Variants in TMEM131 observed in about 807,000 individuals in gnomAD.
TMEM131 encodes the protein 2610524E03Rik.
Under a neutral mutation model 211.6 loss-of-function variants are expected in TMEM131, and 66 were observed. The ratio of observed to expected loss-of-function variants is 0.31; its 90% CI spans 0.26 to 0.38. TMEM131 has a LOEUF of 0.38. Ranked by LOEUF, TMEM131 falls within the 10% of genes least tolerant of loss-of-function variation. The pLI, the probability that TMEM131 is intolerant of heterozygous loss-of-function variation, is 1.00. For missense variants in TMEM131, 2,036 were observed against 2,299.3 expected, an observed-to-expected ratio of 0.89 and a Z score of 2.34; for synonymous variants, 844 against 841.3, an observed-to-expected ratio of 1.00 and a Z score of -0.06.
intron 1 of TMEM131, among the ~76,000 whole-genome samples, chr2:97,929,812 T>G (rs1277966891): frequency 6.6e-6 from 1 of 151,824 alleles, no homozygotes; most frequent in East Asian, 1.9e-4. Flanking sequence ...AGCACTGGCA[T>G]TTGTACTTAC....
chr2:97,866,996 G>T (rs542721283), intron 4 of TMEM131, among the ~76,000 whole-genome samples: 3 of 152,252 alleles, frequency 2.0e-5, no homozygotes, highest in African/African-American at 7.2e-5. Context: ...CATCATGTTG[G>T]CACACAAAAA....
chr2:97,917,888 GA>G (rs1295092690), intron 2 of TMEM131, among the ~76,000 whole-genome samples: 1 of 152,054 alleles, frequency 6.6e-6, no homozygotes, highest in Non-Finnish European at 1.5e-5. Context: ...GGCTTCCCTA[GA>G]GGAGGGTGGG....
chr2:97,949,866 C>G (rs1678221097), intron 1 of TMEM131, among the ~76,000 whole-genome samples: 1 of 148,270 alleles, frequency 6.7e-6, no homozygotes, highest in Non-Finnish European at 1.5e-5. Flanking sequence ...ACACCCCACA[C>G]AGGGCTTGCT....
chr2:97,831,731 G>A (rs1310353276), intron 11 of TMEM131, among the ~76,000 whole-genome samples: 2 of 137,618 alleles, frequency 1.5e-5, no homozygotes, highest in Non-Finnish European at 3.0e-5. Context: ...GCACAGCGGC[G>A]TGATCTTGGC....
intron 5 of TMEM131, among the ~76,000 whole-genome samples, chr2:97,845,496 A>G (rs1573450780): frequency 6.6e-6 from 1 of 152,318 alleles, no homozygotes; most frequent in East Asian, 1.9e-4. Flanking sequence ...GCCACGGGTG[A>G]AATGAGTAGT....
In TMEM131 at chr2:97,929,573, G is replaced by A. The variant is rs1021712155; in HGVS notation, c.188-2086C>T. Among the ~76,000 whole-genome samples the A allele has an allele frequency of 4.6e-5, 7 of 151,654 alleles. No individual in the cohort carries two copies. The South Asian group carries it at 8.3e-4, about 18-fold the overall frequency. The stretch of plus-strand genomic sequence containing the variant: ...CTAGTTAATTAGATTACATTACCTC[G>A]TTGGATGTTTTTTCTGCCTGCCAAG... On this transcript the variant is annotated intron_variant, in intron 1 of 40. Coordinates refer to ENST00000186436, the MANE Select transcript of TMEM131 (RefSeq NM_015348.2).
intron 4 of TMEM131, among the ~76,000 whole-genome samples, chr2:97,866,698 C>T (rs1340054306): frequency 6.6e-6 from 1 of 152,072 alleles, no homozygotes; most frequent in Non-Finnish European, 1.5e-5. Flanking sequence ...TGTTTTTGTT[C>T]ATCTCGAAGT....
At chr2:97,811,346 T>C in intron 17 of TMEM131, 114 bp from the exon 18 acceptor site, 1 of 744,488 alleles carries the variant, frequency 1.3e-6, no homozygotes, top group Admixed American at 1.8e-5. Context: ...CATATACCAG[T>C]ATGACACTGA....
At position 97,830,132 on chromosome 2, in the gene TMEM131, T is replaced by TAAAAAAA. The variant is rs60531384; in HGVS notation, c.1074+3226_1074+3232dup. Among the ~76,000 whole-genome samples, 159 of 72,256 alleles carry TAAAAAAA rather than the reference T, an allele frequency of 2.2e-3. 1 individual carries two copies. Among genetic ancestry groups the TAAAAAAA allele is most frequent in the African/African-American group, 6.1e-3 (107 of 17,586 alleles). The allele number at this position is 72,256 out of a possible 152,430, so 47.4% of individuals were successfully genotyped here. On this transcript the variant is annotated intron_variant, in intron 11 of 40. Coordinates refer to ENST00000186436, the MANE Select transcript of TMEM131 (RefSeq NM_015348.2). ...TCTGAATTCTTCACTCATTATCAGT[T>TAAAAAAA]AAAAAAAAAAAAAAAAAAAAAAAAC...
intron 1 of TMEM131, among the ~76,000 whole-genome samples, chr2:97,984,621 C>T (rs576505149): frequency 6.6e-6 from 1 of 151,794 alleles, no homozygotes; most frequent in East Asian, 1.9e-4. Flanking sequence ...CAGGTGAACT[C>T]TCTTGGAAAT....
At chr2:97,761,969 A>C in intron 36 of TMEM131, 66 bp downstream of exon 36, 1 of 1,465,444 alleles carries the variant, frequency 6.8e-7, no homozygotes, top group Non-Finnish European at 9.1e-7. Context: ...TTTCCATTTA[A>C]AGGGTGTGAC....
chr2:97,793,668 C>T, intron 29 of TMEM131, 115 bp from the exon 30 acceptor site: 1 of 1,078,840 alleles, frequency 9.3e-7, no homozygotes, highest in East Asian at 2.7e-5. Flanking sequence ...TAATAGAAAA[C>T]CAAGTTGTCT....
At chr2:97,865,649 T>C (rs1674240848) in intron 4 of TMEM131, among the ~76,000 whole-genome samples, 1 of 152,216 alleles carries the variant, frequency 6.6e-6, no homozygotes, top group Non-Finnish European at 1.5e-5. Flanking sequence ...TATTAGCATT[T>C]TGTGGAGGAT....
intron 7 of TMEM131, among the ~76,000 whole-genome samples, chr2:97,838,420 CTTAAACTTTTTTTTT>C (rs1683032240): frequency 7.4e-6 from 1 of 134,384 alleles, no homozygotes; most frequent in African/African-American, 2.9e-5. Context: ...AATTCTTAAG[CTTAAACTTTTTTTTT>C]TTTTTTTTTT....
intron 25 of TMEM131, among the ~76,000 whole-genome samples, chr2:97,800,735 T>A (rs112248153): frequency 0.025 from 3,809 of 150,986 alleles, 164 homozygotes; most frequent in African/African-American, 0.089. Flanking sequence ...CCAGCCTGGG[T>A]GACAGAGCCA....
chr2:97,873,720 T>C (rs757518309), intron 4 of TMEM131, among the ~76,000 whole-genome samples: 4 of 152,044 alleles, frequency 2.6e-5, no homozygotes, highest in Non-Finnish European at 5.9e-5. Flanking sequence ...CATCCAAAGG[T>C]CACCAACATC....
chr2:97,826,905 C>T (rs974176512), intron 11 of TMEM131, among the ~76,000 whole-genome samples: 1 of 151,962 alleles, frequency 6.6e-6, no homozygotes. Context: ...TATCAAAAAT[C>T]CTTAACCCAG....
chr2:97,909,298 T>C (rs1025242780), intron 2 of TMEM131, among the ~76,000 whole-genome samples: 4 of 151,924 alleles, frequency 2.6e-5, no homozygotes, highest in Admixed American at 1.3e-4. Context: ...AAGGCCCTCA[T>C]AGAGAGCAGA....
chr2:97,780,383 T>A (rs1679940581), intron 31 of TMEM131, among the ~76,000 whole-genome samples: 1 of 152,192 alleles, frequency 6.6e-6, no homozygotes, highest in South Asian at 2.1e-4. Context: ...CTTCCTCAAG[T>A]GTTGCCTGGC....
Sources: allele counts gnomAD v4.1 joint callset (sites outside exome capture counted in the v4.1 genomes callset), GRCh38; gene constraint gnomAD v4.1.1; transcripts MANE v1.5; gene names NCBI Gene and HGNC (gene_info 2026-07-23, HGNC 2026-07-21).